Variants in RERG observed in about 807,000 individuals in gnomAD.
The protein encoded by RERG is RAS like estrogen regulated growth inhibitor.
A neutral mutation model predicts 23.2 loss-of-function variants in RERG; 25 were observed. The observed-to-expected ratio is 1.08, with a 90% confidence interval of 0.79 to 1.50. The LOEUF (loss-of-function observed/expected upper bound fraction) is 1.50. Among genes scored for constraint, RERG ranks in the 40% most tolerant of loss-of-function variants. The pLI is 0.00. For missense variants in RERG, 253 were observed against 250.1 expected (o/e 1.01, Z -0.08); for synonymous variants, 81 against 89.1 (o/e 0.91, Z 0.51).
intron 2 of RERG, among the ~76,000 whole-genome samples, chr12:15,131,121 G>C (rs1864039143): frequency 6.6e-6 from 1 of 152,000 alleles, no homozygotes; most frequent in Non-Finnish European, 1.5e-5. Flanking sequence ...AAATTAACTT[G>C]TATAACTAAA....
chr12:15,136,298 C>T (rs1470810947), intron 2 of RERG, among the ~76,000 whole-genome samples: 1 of 151,798 alleles, frequency 6.6e-6, no homozygotes, highest in Non-Finnish European at 1.5e-5. Flanking sequence ...TTTTTCTTGG[C>T]CTGGCTAAAG....
chr12:15,202,731 G>A (rs1030747110), intron 2 of RERG, among the ~76,000 whole-genome samples: 16 of 151,664 alleles, frequency 1.1e-4, no homozygotes, highest in Non-Finnish European at 3.0e-5. Flanking sequence ...CCATAGCTTG[G>A]CTATTCTGAA....
intron 2 of RERG, among the ~76,000 whole-genome samples, chr12:15,208,798 T>G (rs1865328275): frequency 6.6e-6 from 1 of 152,044 alleles, no homozygotes; most frequent in Non-Finnish European, 1.5e-5. Flanking sequence ...TATTAGAAGG[T>G]TTTAAAGCTT....
chr12:15,175,875 AT>A (rs1250933821), intron 2 of RERG, among the ~76,000 whole-genome samples: 2 of 152,108 alleles, frequency 1.3e-5, no homozygotes, highest in Non-Finnish European at 1.5e-5. Flanking sequence ...GCTGTTTTTC[AT>A]AGCTACTATG....
chr12:15,109,836 C>G (rs1435789978), intron 4 of RERG, among the ~76,000 whole-genome samples: 1 of 152,152 alleles, frequency 6.6e-6, no homozygotes, highest in Non-Finnish European at 1.5e-5. Flanking sequence ...GAGCACATCA[C>G]TTTTGAGACT....
intron 2 of RERG, among the ~76,000 whole-genome samples, chr12:15,151,535 A>C (rs999208537): frequency 6.6e-6 from 1 of 152,216 alleles, no homozygotes; most frequent in Non-Finnish European, 1.5e-5. Context: ...TGTAGATTGT[A>C]GATGTAGATA....
chr12:15,197,295 A>G (rs1293471448), intron 2 of RERG, among the ~76,000 whole-genome samples: 3 of 152,194 alleles, frequency 2.0e-5, no homozygotes, highest in Non-Finnish European at 4.4e-5. Flanking sequence ...TTGGAGACCA[A>G]TGAGAATCTC....
At chr12:15,156,535 C>T (rs1041992020) in intron 2 of RERG, among the ~76,000 whole-genome samples, 1 of 152,202 alleles carries the variant, frequency 6.6e-6, no homozygotes, top group Non-Finnish European at 1.5e-5. Context: ...TCAGAAATCA[C>T]TTCAAAATTT....
intron 2 of RERG, among the ~76,000 whole-genome samples, chr12:15,141,180 G>A (rs1864232929): frequency 6.8e-6 from 1 of 147,746 alleles, no homozygotes; most frequent in South Asian, 2.1e-4. Context: ...TTTTGAGATG[G>A]ATTCTCACTC....
At chr12:15,211,390 A>C (rs965934760) in intron 2 of RERG, among the ~76,000 whole-genome samples, 6 of 151,944 alleles carry the variant, frequency 3.9e-5, no homozygotes, top group African/African-American at 1.5e-4. Flanking sequence ...CACATGGATG[A>C]ACATAGAGGA....
intron 2 of RERG, among the ~76,000 whole-genome samples, chr12:15,139,677 T>A (rs945994487): frequency 6.6e-6 from 1 of 152,196 alleles, no homozygotes; most frequent in African/African-American, 2.4e-5. Flanking sequence ...TATACTGTTA[T>A]TTGATATAAT....
intron 3 of RERG, among the ~76,000 whole-genome samples, chr12:15,120,216 T>C (rs1863806024): frequency 6.6e-6 from 1 of 152,216 alleles, no homozygotes; most frequent in Admixed American, 6.5e-5. Context: ...GATCATTCTC[T>C]ATTCCCTTCC....
chr12:15,189,243 C>CT (rs1431682825), intron 2 of RERG, among the ~76,000 whole-genome samples: 1 of 152,140 alleles, frequency 6.6e-6, no homozygotes, highest in African/African-American at 2.4e-5. Context: ...TAGTCAAAGT[C>CT]TTTATAGTGA....
At chr12:15,218,851 A>C (rs1283216387) in intron 1 of RERG, among the ~76,000 whole-genome samples, 2 of 151,784 alleles carry the variant, frequency 1.3e-5, no homozygotes, top group African/African-American at 4.8e-5. Context: ...CATCATGTGC[A>C]TTGCCTCCTC....
intron 2 of RERG, among the ~76,000 whole-genome samples, chr12:15,202,054 T>C (rs952148840): frequency 1.4e-4 from 22 of 151,886 alleles, no homozygotes; most frequent in African/African-American, 5.3e-4. Context: ...ATTTAGTTCC[T>C]ATCCCGTTCT....
chr12:15,152,521 G>C (rs1170154826), intron 2 of RERG, among the ~76,000 whole-genome samples: 2 of 152,250 alleles, frequency 1.3e-5, no homozygotes, highest in East Asian at 3.9e-4. Context: ...GCTTCATTTT[G>C]TCCTGCCTGA....
rs560850861 is a variant in RERG, at chr12:15,206,455, A to G, written c.61+10974T>C. ...TATATGCTTTTCTGAAGCTGAAAAC[A>G]CATACCTCAAATGGAAATTGAGTAC... is the stretch of plus-strand genomic sequence containing the variant. On this transcript the variant is annotated intron_variant, in intron 2 of 4. Coordinates refer to ENST00000256953, the MANE Select transcript of RERG (RefSeq NM_032918.3). Among the ~76,000 whole-genome samples, 127 of 152,306 alleles carry G rather than the reference A, an allele frequency of 8.3e-4. 1 individual carries two copies. Among genetic ancestry groups the G allele is most frequent in the African/African-American group, 2.9e-3 (121 of 41,574 alleles).
chr12:15,161,975 C>G (rs2136114342), intron 2 of RERG, among the ~76,000 whole-genome samples: 1 of 152,184 alleles, frequency 6.6e-6, no homozygotes, highest in Admixed American at 6.5e-5. Flanking sequence ...AATTTAAACC[C>G]AGTATCCTTA....
intron 3 of RERG, among the ~76,000 whole-genome samples, chr12:15,112,620 C>T (rs1463754377): frequency 6.6e-6 from 1 of 152,018 alleles, no homozygotes; most frequent in Non-Finnish European, 1.5e-5. Context: ...AATAAAGAAC[C>T]GAATGAATGA....
Sources: gnomAD v4.1 joint callset for allele counts (sites outside exome capture counted in the v4.1 genomes callset) on GRCh38, gnomAD v4.1.1 for gene constraint, MANE v1.5 for transcripts, NCBI Gene and HGNC (gene_info 2026-07-23, HGNC 2026-07-21) for gene names.